PDZD2: variants seen among roughly 807,000 people sequenced by gnomAD.
PDZD2 encodes the protein PDZ domain-containing protein 2.
PDZD2 carries 90 observed loss-of-function variants against 220.7 expected under a neutral mutation model. That is an observed-to-expected ratio of 0.41 (90% CI 0.34 to 0.49). PDZD2 has a LOEUF of 0.49. Among genes scored for constraint, PDZD2 ranks in the 20% least tolerant of loss-of-function variants. The pLI, the probability that PDZD2 is intolerant of heterozygous loss-of-function variation, is 0.28. For synonymous variants in PDZD2, 1,375 were observed against 1,450.5 expected (o/e 0.95, Z 1.18); for missense variants, 3,174 against 3,608.5 (o/e 0.88, Z 3.08).
intron 2 of PDZD2, among the ~76,000 whole-genome samples, chr5:31,957,174 C>T (rs543359125): frequency 6.6e-6 from 1 of 152,320 alleles, no homozygotes; most frequent in Non-Finnish European, 1.5e-5. Context: ...GTAGTTGGAA[C>T]TACGGGCATG....
intron 2 of PDZD2, among the ~76,000 whole-genome samples, chr5:31,898,768 G>A (rs973142224): frequency 2.6e-5 from 4 of 150,970 alleles, no homozygotes; most frequent in African/African-American, 7.3e-5. Context: ...CATCCAGGAC[G>A]GCTTTGGGAT....
At chr5:32,104,716 TAAAAAAAAAAAA>T (rs755177769) in intron 24 of PDZD2, among the ~76,000 whole-genome samples, 46 of 30,098 alleles carry the variant, frequency 1.5e-3, no homozygotes, top group East Asian at 5.2e-3. Context: ...AGGCTCCATC[TAAAAAAAAAAAA>T]AAAAAAAAAA....
At chr5:31,941,532 T>G (rs746276130) in intron 2 of PDZD2, among the ~76,000 whole-genome samples, 1 of 152,210 alleles carries the variant, frequency 6.6e-6, no homozygotes, top group Non-Finnish European at 1.5e-5. Flanking sequence ...CTTTGCACAA[T>G]CTGTTTTACA....
chr5:31,891,674 C>T (rs569795263), intron 2 of PDZD2, among the ~76,000 whole-genome samples: 3 of 152,182 alleles, frequency 2.0e-5, no homozygotes, highest in South Asian at 4.2e-4. Context: ...ACTGAGCCAC[C>T]GAGGCAGGGA....
chr5:32,052,455 G>A lies in PDZD2; in HGVS notation c.1666-156G>A. Reference sequence around the variant, plus strand: ...GCCACGGTGCCCAGCACCTGCGATAGTATTTATAGGAAACTTTTTTAAGTC... The same window carrying A: ...GCCACGGTGCCCAGCACCTGCGATAATATTTATAGGAAACTTTTTTAAGTC... On this transcript the variant is annotated intron_variant, in intron 8 of 24. Coordinates refer to ENST00000438447, the MANE Select transcript of PDZD2 (RefSeq NM_178140.4). The A allele has an allele frequency of 4.3e-6, 3 of 690,424 alleles. No homozygotes were observed. In the South Asian group the frequency reaches 5.3e-5, roughly 12 times the overall value. 42.8% of individuals were successfully genotyped at this position (690,424 alleles called of 1,614,324 possible).
intron 1 of PDZD2, chr5:31,742,053 T>G (rs142612168): frequency 1.6e-4 from 25 of 152,354 alleles, no homozygotes; most frequent in African/African-American, 5.5e-4. Context: ...GGACTTTGAA[T>G]TGAGGCCCTC....
chr5:32,063,113 C>T (rs1034290023), intron 14 of PDZD2, among the ~76,000 whole-genome samples: 5 of 151,382 alleles, frequency 3.3e-5, no homozygotes, highest in African/African-American at 9.7e-5. Context: ...TTCGTGATCT[C>T]GGCTCACTGC....
chr5:32,080,247 C>T (rs1276048917), intron 19 of PDZD2, among the ~76,000 whole-genome samples: 1 of 148,908 alleles, frequency 6.7e-6, no homozygotes, highest in Non-Finnish European at 1.5e-5. Context: ...ACTCAGGAAG[C>T]TGAGGCAGGA....
chr5:32,045,476 C>T (rs1211799181), intron 7 of PDZD2, among the ~76,000 whole-genome samples: 2 of 149,504 alleles, frequency 1.3e-5, no homozygotes. Context: ...GGCTGGAGTG[C>T]GGTGGCGTGA....
chr5:31,824,059 A>G (rs895427564), intron 2 of PDZD2, among the ~76,000 whole-genome samples: 3 of 152,206 alleles, frequency 2.0e-5, no homozygotes, highest in African/African-American at 7.2e-5. Context: ...CGTCTTTCAC[A>G]TGGGAATTTA....
At chr5:31,721,117 C>T (rs940984567) in intron 1 of PDZD2, among the ~76,000 whole-genome samples, 4 of 152,104 alleles carry the variant, frequency 2.6e-5, no homozygotes, top group Non-Finnish European at 5.9e-5. Context: ...AACAGACTGG[C>T]GTGGTCAGGG....
chr5:31,785,475 G>A lies in PDZD2; in HGVS notation c.-360-13414G>A, dbSNP rs746322753. Among the ~76,000 whole-genome samples the A allele has an allele frequency of 5.3e-5, 8 of 150,754 alleles. No homozygotes were observed. In the South Asian group the frequency reaches 1.7e-3, roughly 32 times the overall value. Reference sequence around the variant, plus strand: ...ATATATTGAGACAGGGTCTCACTCTGTCACCCAGGCTGGAGTGCGGTGGTA... The same window carrying A: ...ATATATTGAGACAGGGTCTCACTCTATCACCCAGGCTGGAGTGCGGTGGTA... On this transcript the variant is annotated intron_variant, in intron 1 of 24. Transcript: ENST00000438447.
At chr5:31,815,514 G>A (rs1366727582) in intron 2 of PDZD2, among the ~76,000 whole-genome samples, 1 of 152,146 alleles carries the variant, frequency 6.6e-6, no homozygotes, top group Non-Finnish European at 1.5e-5. Context: ...AGTCAGGTCA[G>A]CATCTGGTGT....
chr5:31,857,778 T>C (rs1043157143), intron 2 of PDZD2, among the ~76,000 whole-genome samples: 2 of 152,156 alleles, frequency 1.3e-5, no homozygotes, highest in Non-Finnish European at 2.9e-5. Flanking sequence ...TGCCCTTCCA[T>C]TCTGAACAGT....
At chr5:31,913,688 A>G (rs1008955144) in intron 2 of PDZD2, among the ~76,000 whole-genome samples, 1 of 152,160 alleles carries the variant, frequency 6.6e-6, no homozygotes, top group Non-Finnish European at 1.5e-5. Flanking sequence ...CATCAGGTGA[A>G]TAAGCAGGTC....
At chr5:31,790,691 ATTTTT>A (rs869296191) in intron 1 of PDZD2, among the ~76,000 whole-genome samples, 15 of 75,500 alleles carry the variant, frequency 2.0e-4, no homozygotes, top group African/African-American at 5.7e-4. Context: ...TATCTCTCTA[ATTTTT>A]TTTTTTTTTT....
intron 5 of PDZD2, among the ~76,000 whole-genome samples, chr5:32,007,755 A>T (rs1752945395): frequency 6.6e-6 from 1 of 152,206 alleles, no homozygotes. Context: ...GACTGAGAGA[A>T]CAGGTAGCTC....
At chr5:31,913,121 C>G (rs1375754594) in intron 2 of PDZD2, among the ~76,000 whole-genome samples, 1 of 152,154 alleles carries the variant, frequency 6.6e-6, no homozygotes, top group Non-Finnish European at 1.5e-5. Context: ...GTAATCCCAG[C>G]ACTTTGGAAG....
At chr5:32,096,249 G>A (rs995776980) in intron 21 of PDZD2, among the ~76,000 whole-genome samples, 9 of 152,026 alleles carry the variant, frequency 5.9e-5, no homozygotes, top group Non-Finnish European at 1.2e-4. Flanking sequence ...ATGGTTGAAG[G>A]TGCCCATGAA....
Sources: gnomAD v4.1 joint callset for allele counts (sites outside exome capture counted in the v4.1 genomes callset) on GRCh38, gnomAD v4.1.1 for gene constraint, MANE v1.5 for transcripts, NCBI Gene and HGNC (gene_info 2026-07-23, HGNC 2026-07-21) for gene names.